Variants in SETD5 observed in about 807,000 individuals in gnomAD.
SETD5 encodes histone-lysine N-methyltransferase SETD5.
Under a neutral mutation model 153.3 loss-of-function variants are expected in SETD5, and 44 were observed. That is an observed-to-expected ratio of 0.29 (90% CI 0.23 to 0.37). The LOEUF (loss-of-function observed/expected upper bound fraction) is 0.37, where lower values mean the gene tolerates loss of function less well. SETD5 is among the 10% of genes least tolerant of loss of function. The pLI is 1.00. For synonymous variants in SETD5, 716 were observed against 645.2 expected (o/e 1.11, Z -1.66); for missense variants, 1,544 against 1,768.0 (o/e 0.87, Z 2.27).
chr3:9,470,386 T>G, intron 18 of SETD5, 73 bp from the exon 19 acceptor site: 1 of 1,103,368 alleles, frequency 9.1e-7, no homozygotes, highest in African/African-American at 1.6e-5. Context: ...TGTGTCCCTC[T>G]CCCCTCCTTT....
Position 9,476,919 on chromosome 3 carries a change from C to T in SETD5, c.*828C>T, listed in dbSNP as rs1342044263. The T allele has an allele frequency of 6.6e-6, 1 of 152,606 alleles. No homozygotes were observed. Among genetic ancestry groups the T allele is most frequent in the Non-Finnish European group, 1.5e-5 (1 of 68,022 alleles). The allele number at this position is 152,606 out of a possible 1,614,324, so 9.5% of individuals were successfully genotyped here. ...ATAGGCCAATTGCATTGCTACTTAC[C>T]AGCTTTTGGCAATAAATTTCATTAG... On this transcript the variant is annotated 3_prime_UTR_variant, in exon 23 of 23. Coordinates refer to ENST00000402198, the MANE Select transcript of SETD5 (RefSeq NM_001080517.3).
At chr3:9,464,031 G>T (rs1312025453) in intron 17 of SETD5, among the ~76,000 whole-genome samples, 1 of 152,208 alleles carries the variant, frequency 6.6e-6, no homozygotes, top group Non-Finnish European at 1.5e-5. Context: ...GGGAGGCTGA[G>T]GCAGGTGAAT....
intron 7 of SETD5, among the ~76,000 whole-genome samples, chr3:9,436,424 G>A (rs756739637): frequency 1.3e-5 from 2 of 152,202 alleles, no homozygotes; most frequent in African/African-American, 4.8e-5. Context: ...CTTCTGGTTT[G>A]TGTTCTTTCT....
rs2045331162 is a variant in SETD5 at position 9,471,788 on chromosome 3, G to A, written c.3195+859G>A. Among the ~76,000 whole-genome samples the A allele has an allele frequency of 2.6e-5, 4 of 152,214 alleles. No individual in the cohort carries two copies. In the South Asian group the frequency reaches 8.3e-4, roughly 32 times the overall value. ...CCCAGTGACTTGCATTTATTGAGCA[G>A]GGCCAGGGATGCTGAATGTCCTGTA... is the stretch of plus-strand genomic sequence containing the variant. On this transcript the variant is annotated intron_variant, in intron 19 of 22. Coordinates refer to ENST00000402198, the MANE Select transcript of SETD5 (RefSeq NM_001080517.3).
chr3:9,443,019 G>C (rs953053579), intron 10 of SETD5: 1 of 258,430 alleles, frequency 3.9e-6, no homozygotes, highest in Non-Finnish European at 7.8e-6. Context: ...CAGCCTGAGC[G>C]ACAGAGCAAG....
At chr3:9,456,941 A>C (rs2043322044) in intron 17 of SETD5, among the ~76,000 whole-genome samples, 1 of 152,146 alleles carries the variant, frequency 6.6e-6, no homozygotes, top group South Asian at 2.1e-4. Flanking sequence ...ACGCCACTGC[A>C]CTCCAGCCTG....
Position 9,475,665 on chromosome 3 carries a change from C to T in SETD5, c.3903C>T (p.Ser1301=), listed in dbSNP as rs745713854. ...CCCTCTCTTCCACGTCCTATTCCAG[C>T]CCCGCCCACCCTGTGTCCACAGACT... ...ESSLSSTSYS[S]PAHPVSTDSL... is the part of the protein sequence containing the mutation. The change falls in exon 23 of 23, where the codon AGC becomes AGT. Residue 1301 remains serine (S), a synonymous_variant. Transcript: ENST00000402198. 7 of 1,613,898 alleles carry T rather than the reference C, an allele frequency of 4.3e-6. No individual in the cohort carries two copies. The highest frequency in any genetic ancestry group is 4.2e-6 in the Non-Finnish European group (5 of 1,179,898).
chr3:9,454,622 C>CAAAAAAAAAAAAAAAAAAAA (rs67028533), intron 17 of SETD5, among the ~76,000 whole-genome samples: 6 of 58,034 alleles, frequency 1.0e-4, no homozygotes, highest in Admixed American at 3.1e-4. Context: ...AACTCCGTCT[C>CAAAAAAAAAAAAAAAAAAAA]AAAAAAAAAA....
intron 6 of SETD5, among the ~76,000 whole-genome samples, chr3:9,435,519 A>C (rs1189731879): frequency 1.3e-5 from 2 of 152,234 alleles, no homozygotes; most frequent in African/African-American, 2.4e-5. Flanking sequence ...AATAAATACC[A>C]TGAGGAACAG....
At chr3:9,405,566 C>T (rs1575160781) in intron 1 of SETD5, among the ~76,000 whole-genome samples, 1 of 151,972 alleles carries the variant, frequency 6.6e-6, no homozygotes, top group South Asian at 2.1e-4. Context: ...GTGAGATTTT[C>T]GCCACCCCAC....
chr3:9,443,345 G>A lies in SETD5; in HGVS notation c.1115G>A (p.Cys372Tyr), dbSNP rs746337425. The A allele has an allele frequency of 6.5e-7, 1 of 1,542,894 alleles. No individual in the cohort carries two copies. Among genetic ancestry groups the A allele is most frequent in the South Asian group, 1.2e-5 (1 of 80,426 alleles). ...HMIADGMIHL[C>Y]IYAVSAITKD... Reference sequence around the variant, plus strand: ...ATTGCAGATGGGATGATTCACCTGTGCATCTATGCTGTGTCTGCCATCACC... The same window carrying A: ...ATTGCAGATGGGATGATTCACCTGTACATCTATGCTGTGTCTGCCATCACC... Residue 372 changes from cysteine (C) to tyrosine (Y), a missense_variant, in exon 11 of 23, where the codon TGC (cysteine) becomes TAC (tyrosine). Cys to Tyr is a radical substitution (Grantham distance 194, BLOSUM62 -2). This residue lies in a region of SETD5 where 46 missense variants were observed against 111.8 expected (regional missense o/e 0.41). Coordinates refer to ENST00000402198, the MANE Select transcript of SETD5 (RefSeq NM_001080517.3).
chr3:9,443,478 C>T (rs1297762090), intron 11 of SETD5, 61 bp downstream of exon 11: 7 of 933,412 alleles, frequency 7.5e-6, no homozygotes, highest in Non-Finnish European at 8.8e-6. Context: ...AAGCTATTCA[C>T]TCTATTTAAA....
In SETD5 at chr3:9,477,756, C is replaced by T. The variant is rs972014612; in HGVS notation, c.*1665C>T. ...CTTTTTGTTGTTTCCCCCACAAACCCATCAGTCTGGGAGAGCATTGGGAGT... is the reference window on the plus strand; with the variant it reads ...CTTTTTGTTGTTTCCCCCACAAACCTATCAGTCTGGGAGAGCATTGGGAGT... On this transcript the variant is annotated 3_prime_UTR_variant, in exon 23 of 23. Coordinates refer to ENST00000402198, the MANE Select transcript of SETD5 (RefSeq NM_001080517.3). 1.3e-5 allele frequency: 2 copies of T among 151,626 alleles called. No homozygotes were observed. Among genetic ancestry groups the T allele is most frequent in the African/African-American group, 4.9e-5 (2 of 40,972 alleles). 9.4% of individuals were successfully genotyped at this position (151,626 alleles called of 1,614,324 possible). A position where few individuals can be genotyped will look rare whatever the true frequency, so the allele number is the denominator to read the frequency against.
rs548356504 is a variant in SETD5 at position 9,459,393 on chromosome 3, T to C, written c.2477-5032T>C. Among the ~76,000 whole-genome samples, 17 of 152,226 alleles carry C rather than the reference T, an allele frequency of 1.1e-4. No individual in the cohort carries two copies. The South Asian group carries it at 3.5e-3, about 32-fold the overall frequency. On this transcript the variant is annotated intron_variant, in intron 17 of 22. Transcript: ENST00000402198. ...TTATTTTTGATTCATTTTATCAAAT[T>C]AACTCCCTCTACCCCCAAAAACAGC...
In SETD5 at chr3:9,447,102, A is replaced by G. The variant is rs1311012277; in HGVS notation, c.1577A>G (p.Glu526Gly). 1 of 1,613,896 alleles carries G rather than the reference A, an allele frequency of 6.2e-7. No individual in the cohort carries two copies. The highest frequency in any genetic ancestry group is 1.1e-5 in the South Asian group (1 of 91,074). The part of the protein sequence containing the change: ...EAIMHAFENL[E>G]KRKKRRDQPL... The stretch of plus-strand genomic sequence containing the variant: ...ATCATGCATGCTTTTGAAAACTTAG[A>G]GAAAAGAAAGAAGCGGCGGGATCAG... Residue 526 changes from glutamate (E) to glycine (G), a missense_variant, in exon 14 of 23, where the codon GAG (glutamate) becomes GGG (glycine). Physicochemically the swap from Glu to Gly is moderately conservative, Grantham distance 98. Transcript: ENST00000402198.
chr3:9,476,106 G>A lies in SETD5; in HGVS notation c.*15G>A, dbSNP rs770483513. ...GACTTTCCTAGGGCTTCTGGATTTGGGCAAACAGAACTGAATGAGCCCATA... is the reference window on the plus strand; with the variant it reads ...GACTTTCCTAGGGCTTCTGGATTTGAGCAAACAGAACTGAATGAGCCCATA... On this transcript the variant is annotated 3_prime_UTR_variant, in exon 23 of 23. Coordinates refer to ENST00000402198, the MANE Select transcript of SETD5 (RefSeq NM_001080517.3). 212 of 1,608,208 alleles carry A rather than the reference G, an allele frequency of 1.3e-4. No homozygotes were observed. Among genetic ancestry groups the A allele is most frequent in the Non-Finnish European group, 1.8e-4 (207 of 1,176,572 alleles).
intron 10 of SETD5, 120 bp downstream of exon 10, chr3:9,442,365 C>A: frequency 1.4e-6 from 1 of 714,478 alleles, no homozygotes; most frequent in Non-Finnish European, 2.4e-6. Flanking sequence ...GATATTTCAT[C>A]GTGGGAGGTG....
chr3:9,443,929 G>A (rs57892443), intron 11 of SETD5, among the ~76,000 whole-genome samples: 5,662 of 152,210 alleles, frequency 0.037, 214 homozygotes, highest in Admixed American at 0.097. Context: ...GGGCGTGGCG[G>A]CACACGCCTG....
Position 9,417,942 on chromosome 3 carries a change from G to GTT in SETD5, c.-176-6510_-176-6509dup, listed in dbSNP as rs777339095. Among the ~76,000 whole-genome samples, 629 of 128,768 alleles carry GTT rather than the reference G, an allele frequency of 4.9e-3. 13 individuals are homozygous for GTT. Among genetic ancestry groups the GTT allele is most frequent in the East Asian group, 0.026 (114 of 4,408 alleles). 84.5% of individuals were successfully genotyped at this position (128,768 alleles called of 152,430 possible). On this transcript the variant is annotated intron_variant, in intron 1 of 22. Coordinates refer to ENST00000402198, the MANE Select transcript of SETD5 (RefSeq NM_001080517.3). The stretch of plus-strand genomic sequence containing the variant: ...GCAGAACTGCTAGAACAAGAGTTTT[G>GTT]TTTTTTTTTTTTTTTTGAGACGGAG...
Sources: allele counts gnomAD v4.1 joint callset (sites outside exome capture counted in the v4.1 genomes callset), GRCh38; gene constraint gnomAD v4.1.1; regional missense constraint gnomAD v4.1.1; transcripts MANE v1.5; gene names NCBI Gene and HGNC (gene_info 2026-07-23, HGNC 2026-07-21).